PKIG: variants seen among roughly 807,000 people sequenced by gnomAD.
PKIG encodes protein kinase (cAMP-dependent, catalytic) inhibitor gamma.
Under a neutral mutation model 6.8 loss-of-function variants are expected in PKIG, and 1 was observed. The observed-to-expected ratio is 0.15, with a 90% CI of 0.05 to 0.69. PKIG has a LOEUF of 0.69. PKIG is among the 30% of genes least tolerant of loss of function. PKIG has a pLI of 0.82. For missense variants in PKIG, 77 were observed against 104.0 expected, an observed-to-expected ratio of 0.74 and a Z score of 1.13; for synonymous variants, 39 against 43.0, an observed-to-expected ratio of 0.91 and a Z score of 0.36.
chr20:44,544,749 G>A (rs2064595359), intron 1 of PKIG, among the ~76,000 whole-genome samples: 1 of 152,200 alleles, frequency 6.6e-6, no homozygotes, highest in Admixed American at 6.6e-5. Context: ...CCAAAACAGG[G>A]ATTCTGCAGC....
chr20:44,569,768 C>T (rs148470160), intron 1 of PKIG, among the ~76,000 whole-genome samples: 16 of 152,044 alleles, frequency 1.1e-4, no homozygotes, highest in Admixed American at 5.2e-4. Context: ...CTTGCCATAT[C>T]GCACACTCCC....
chr20:44,592,245 G>A (rs891388417), intron 2 of PKIG, among the ~76,000 whole-genome samples: 4 of 152,156 alleles, frequency 2.6e-5, no homozygotes, highest in Admixed American at 6.5e-5. Flanking sequence ...AGAAGGAGAA[G>A]GGCCGGAGTC....
chr20:44,615,247 C>G (rs1353857581), intron 3 of PKIG, among the ~76,000 whole-genome samples: 2 of 152,226 alleles, frequency 1.3e-5, no homozygotes, highest in East Asian at 3.9e-4. Context: ...CGGTGCCACT[C>G]CTCTCCCTGA....
intron 1 of PKIG, among the ~76,000 whole-genome samples, chr20:44,540,630 A>T (rs1402074124): frequency 6.6e-6 from 1 of 151,976 alleles, no homozygotes; most frequent in Non-Finnish European, 1.5e-5. Flanking sequence ...CCAGGCTGGA[A>T]TGCAATGGCA....
At chr20:44,569,769 G>C (rs927050567) in intron 1 of PKIG, among the ~76,000 whole-genome samples, 1 of 152,058 alleles carries the variant, frequency 6.6e-6, no homozygotes, top group Non-Finnish European at 1.5e-5. Flanking sequence ...TTGCCATATC[G>C]CACACTCCCC....
At chr20:44,556,426 G>A (rs1167860492) in intron 1 of PKIG, among the ~76,000 whole-genome samples, 1 of 152,102 alleles carries the variant, frequency 6.6e-6, no homozygotes, top group Non-Finnish European at 1.5e-5. Flanking sequence ...GCAGTGGCGC[G>A]ATCTCGGCTC....
At chr20:44,600,658 C>T (rs2065113496) in intron 2 of PKIG, among the ~76,000 whole-genome samples, 1 of 151,186 alleles carries the variant, frequency 6.6e-6, no homozygotes. Flanking sequence ...CTAGGCTGGG[C>T]AGCATCGTAA....
At chr20:44,532,657 A>C (rs1174680091) in intron 1 of PKIG, among the ~76,000 whole-genome samples, 1 of 152,230 alleles carries the variant, frequency 6.6e-6, no homozygotes, top group Non-Finnish European at 1.5e-5. Flanking sequence ...CTGTGAATGC[A>C]CAGAGAAAAC....
At chr20:44,556,753 G>T (rs972365905) in intron 1 of PKIG, among the ~76,000 whole-genome samples, 1 of 152,076 alleles carries the variant, frequency 6.6e-6, no homozygotes, top group Non-Finnish European at 1.5e-5. Flanking sequence ...AGAGTAGAGG[G>T]TTGATAGATA....
At chr20:44,579,486 C>T (rs542170386), upstream of PKIG, among the ~76,000 whole-genome samples, 13 of 152,346 alleles carry the variant, frequency 8.5e-5, no homozygotes, top group East Asian at 5.8e-4. Flanking sequence ...CCCTTGCTCC[C>T]GTGAGCCTTT....
chr20:44,586,414 A>G (rs535017274), intron 1 of PKIG, among the ~76,000 whole-genome samples: 15 of 152,304 alleles, frequency 9.8e-5, no homozygotes, highest in Non-Finnish European at 1.6e-4. Flanking sequence ...TGAACCCTGG[A>G]GCTGCCATGT....
intron 1 of PKIG, among the ~76,000 whole-genome samples, chr20:44,535,378 C>T (rs1215566730): frequency 6.6e-6 from 1 of 152,164 alleles, no homozygotes; most frequent in Non-Finnish European, 1.5e-5. Context: ...CGGTGGCTTA[C>T]GCCTGTAATC....
At chr20:44,562,427 A>G (rs2064775034) in intron 1 of PKIG, among the ~76,000 whole-genome samples, 1 of 151,976 alleles carries the variant, frequency 6.6e-6, no homozygotes, top group African/African-American at 2.4e-5. Context: ...CCTGGGCAAC[A>G]TGGCCAAACG....
At chr20:44,565,802 G>A (rs1343922471) in intron 1 of PKIG, among the ~76,000 whole-genome samples, 7 of 152,056 alleles carry the variant, frequency 4.6e-5, no homozygotes, top group Non-Finnish European at 1.0e-4. Flanking sequence ...TTGCTCTGTC[G>A]CCCAGGCTGG....
At chr20:44,548,935 G>A (rs2064643185) in intron 1 of PKIG, among the ~76,000 whole-genome samples, 1 of 151,146 alleles carries the variant, frequency 6.6e-6, no homozygotes, top group Non-Finnish European at 1.5e-5. Flanking sequence ...ATTAGATACT[G>A]TGGGAAGAGA....
intron 2 of PKIG, among the ~76,000 whole-genome samples, chr20:44,611,856 C>T (rs142183583): frequency 5.3e-4 from 81 of 151,868 alleles, no homozygotes; most frequent in African/African-American, 1.8e-3. Context: ...TCCATGTATG[C>T]GTAAAATCAT....
chr20:44,594,276 C>T (rs1221364537), intron 2 of PKIG, among the ~76,000 whole-genome samples: 3 of 152,184 alleles, frequency 2.0e-5, no homozygotes, highest in Non-Finnish European at 4.4e-5. Context: ...ATTATACATC[C>T]ATTATTTCCA....
At chr20:44,542,915 A>G (rs1041660737) in intron 1 of PKIG, among the ~76,000 whole-genome samples, 2 of 152,204 alleles carry the variant, frequency 1.3e-5, no homozygotes, top group African/African-American at 4.8e-5. Flanking sequence ...AAACCAAAAA[A>G]TTGGGACTTG....
At chr20:44,546,112 T>C (rs2064611515) in intron 1 of PKIG, among the ~76,000 whole-genome samples, 1 of 151,858 alleles carries the variant, frequency 6.6e-6, no homozygotes, top group African/African-American at 2.4e-5. Flanking sequence ...TAGCAGGTTG[T>C]GGTGGTGCAT....
Sources: allele counts gnomAD v4.1 joint callset (sites outside exome capture counted in the v4.1 genomes callset), GRCh38; gene constraint gnomAD v4.1.1; transcripts MANE v1.5; gene names NCBI Gene and HGNC (gene_info 2026-07-23, HGNC 2026-07-21).